Variants in MEIOC observed in about 807,000 individuals in gnomAD.
The protein encoded by MEIOC is meiosis-specific coiled-coil domain-containing protein MEIOC.
Under a neutral mutation model 85.3 loss-of-function variants are expected in MEIOC, and 9 were observed. The observed-to-expected ratio is 0.11, with a 90% CI of 0.06 to 0.18. MEIOC has a LOEUF of 0.18. Among genes scored for constraint, MEIOC ranks in the 10% least tolerant of loss-of-function variants. The pLI, the probability that MEIOC is intolerant of heterozygous loss-of-function variation, is 1.00. For synonymous variants in MEIOC, 365 were observed against 393.7 expected (o/e 0.93, Z 0.86); for missense variants, 898 against 1,129.4 (o/e 0.80, Z 2.94).
At position 44,668,056 on chromosome 17, in the gene MEIOC, A is replaced by T; in HGVS notation, c.2145A>T (p.Leu715Phe). The stretch of plus-strand genomic sequence containing the variant: ...ATGACTTACTTTCTTATGATGACTT[A>T]AGCCATTTGTACCCTTATTTTAATA... Reference protein sequence around the residue: ...DSYDLLSYDDLSHLYPYFNMM... With the variant: ...DSYDLLSYDDFSHLYPYFNMM... The change falls in exon 5 of 8, where the codon TTA (leucine) becomes TTT (phenylalanine). Residue 715 changes from leucine to phenylalanine, a missense_variant. By Grantham distance (22) the Leu-to-Phe change is conservative. Around this residue, in one of 2 missense-constraint regions of MEIOC, gnomAD observed 734 missense variants for 860.1 expected, o/e 0.85. Transcript: ENST00000409122. 2 of 1,613,336 alleles carry T rather than the reference A, an allele frequency of 1.2e-6. No homozygotes were observed. Among genetic ancestry groups the T allele is most frequent in the South Asian group, 1.1e-5 (1 of 90,988 alleles).
At position 44,674,333 on chromosome 17, in the gene MEIOC, A is replaced by C. The variant is rs2144679036; in HGVS notation, c.*137A>C. 2 of 1,415,450 alleles carry C rather than the reference A, an allele frequency of 1.4e-6. No individual in the cohort carries two copies. The highest frequency in any genetic ancestry group is 1.6e-5 in the South Asian group (1 of 61,960). 87.7% of individuals were successfully genotyped at this position (1,415,450 alleles called of 1,614,324 possible). On this transcript the variant is annotated 3_prime_UTR_variant, in exon 8 of 8. Transcript: ENST00000409122. ...TAATACCAGTACCTTAATGAAGTCT[A>C]ACTTCTATTTAAAAATCTTCTATTT...
chr17:44,658,944 A>T (rs1387186016), intron 2 of MEIOC, among the ~76,000 whole-genome samples: 1 of 152,038 alleles, frequency 6.6e-6, no homozygotes, highest in Non-Finnish European at 1.5e-5. Context: ...TCGTTCAGGC[A>T]TTTATTGCAA....
intron 2 of MEIOC, among the ~76,000 whole-genome samples, chr17:44,658,356 T>A (rs957778167): frequency 2.0e-5 from 3 of 150,704 alleles, no homozygotes; most frequent in African/African-American, 7.3e-5. Flanking sequence ...GGGGTTTCAC[T>A]GTGTTAGCCA....
Position 44,667,038 on chromosome 17 carries a change from C to T in MEIOC, c.1127C>T (p.Pro376Leu). 6.2e-7 allele frequency: 1 copy of T among 1,613,720 alleles called. No individual in the cohort carries two copies. Among genetic ancestry groups the T allele is most frequent in the Non-Finnish European group, 8.5e-7 (1 of 1,179,802 alleles). ...TACACAAAGTTATTTCAGGTTAAGC[C>T]AGCGAATCAGAAAAAAATGGAGGAG... ...DTYTKLFQVK[P>L]ANQKKMEETI... Residue 376 changes from proline to leucine, a missense_variant, in exon 5 of 8, where the codon CCA (proline) becomes CTA (leucine). Transcript: ENST00000409122.
At position 44,675,316 on chromosome 17, in the gene MEIOC, T is replaced by C. The variant is rs1972061222; in HGVS notation, c.*1120T>C. 1 of 973,118 alleles carries C rather than the reference T, an allele frequency of 1.0e-6. No homozygotes were observed. Among genetic ancestry groups the C allele is most frequent in the Admixed American group, 6.1e-5 (1 of 16,264 alleles). 60.3% of individuals were successfully genotyped at this position (973,118 alleles called of 1,614,324 possible). ...TTTTTCTGTTTCTCATCACTTAGTA[T>C]CTTTGTATAGAACTTGAGTAATTTA... On this transcript the variant is annotated 3_prime_UTR_variant, in exon 8 of 8. Coordinates refer to ENST00000409122, the MANE Select transcript of MEIOC (RefSeq NM_001145080.3).
intron 2 of MEIOC, among the ~76,000 whole-genome samples, chr17:44,660,015 C>G (rs983646134): frequency 2.0e-5 from 3 of 151,942 alleles, no homozygotes; most frequent in African/African-American, 7.3e-5. Flanking sequence ...AGAACTTAAA[C>G]AAATGGTTGT....
intron 2 of MEIOC, among the ~76,000 whole-genome samples, chr17:44,657,710 C>T (rs1971784445): frequency 6.6e-6 from 1 of 151,468 alleles, no homozygotes; most frequent in African/African-American, 2.4e-5. Flanking sequence ...TGCGCCACCA[C>T]GCCTGGCTAA....
chr17:44,669,624 C>A, intron 6 of MEIOC, 107 bp downstream of exon 6: 1 of 1,120,066 alleles, frequency 8.9e-7, no homozygotes. Context: ...CTTTGGGAGG[C>A]CGAGGCGGGC....
chr17:44,656,737 C>CGAGGAGGAGAGGCT, intron 1 of MEIOC, 55 bp downstream of exon 1: 2 of 1,309,394 alleles, frequency 1.5e-6, no homozygotes, highest in Non-Finnish European at 2.0e-6. Context: ...CAAGAGGCGA[C>CGAGGAGGAGAGGCT]GAGGAGGAGA....
At chr17:44,668,317 T>A in intron 5 of MEIOC, 84 bp downstream of exon 5, 1 of 1,210,328 alleles carries the variant, frequency 8.3e-7, no homozygotes. Flanking sequence ...AGTGTAAGAG[T>A]ACTTGCCTTA....
chr17:44,669,694 T>A, intron 6 of MEIOC, 177 bp downstream of exon 6: 1 of 557,740 alleles, frequency 1.8e-6, no homozygotes. Context: ...ACCCCGTCTC[T>A]ACTAAAAATA....
rs1971801422 is a variant in MEIOC at position 44,658,576 on chromosome 17, C to A, written c.204+1315C>A. On this transcript the variant is annotated intron_variant, in intron 2 of 7. Coordinates refer to ENST00000409122, the MANE Select transcript of MEIOC (RefSeq NM_001145080.3). ...CTGGGGGGCTGAGGCGGGTGGATCA[C>A]CTGAGTTCGGGAGTTCAAGACCAGC... Among the ~76,000 whole-genome samples the A allele has an allele frequency of 2.0e-5, 3 of 151,564 alleles. No homozygotes were observed. The South Asian group carries it at 6.3e-4, about 32-fold the overall frequency.
Position 44,656,630 on chromosome 17 carries a change from G to C in MEIOC, c.17G>C (p.Gly6Ala), listed in dbSNP as rs980694687. The C allele has an allele frequency of 1.3e-5, 20 of 1,486,776 alleles. No homozygotes were observed. The highest frequency in any genetic ancestry group is 1.6e-5 in the Non-Finnish European group (18 of 1,117,614). The allele number at this position is 1,486,776 out of a possible 1,614,324, so 92.1% of individuals were successfully genotyped here. The change falls in exon 1 of 8, where the codon GGA becomes GCA. Residue 6 changes from glycine to alanine, a missense_variant. This residue lies in a region of MEIOC where 734 missense variants were observed against 860.1 expected (regional missense o/e 0.85). Coordinates refer to ENST00000409122, the MANE Select transcript of MEIOC (RefSeq NM_001145080.3). ...GGGCGCCCCATGGAGGTGAGACGCG[G>C]AGACACCTGCCCGCGCCCTCACCCC... MEVRR[G>A]DTCPRPHPSG...
chr17:44,656,644 C>T lies in MEIOC; in HGVS notation c.31C>T (p.Arg11Cys), dbSNP rs1182632023. MEVRRGDTCPRPHPSGLREEG... is the reference protein window; with the variant it reads MEVRRGDTCPCPHPSGLREEG... ...GGTGAGACGCGGAGACACCTGCCCGCGCCCTCACCCCTCAGGCCTGAGGGA... is the reference window on the plus strand; with the variant it reads ...GGTGAGACGCGGAGACACCTGCCCGTGCCCTCACCCCTCAGGCCTGAGGGA... The change falls in exon 1 of 8, where the codon CGC becomes TGC. Residue 11 changes from arginine (R) to cysteine (C), a missense_variant. Physicochemically the swap from Arg to Cys is radical, Grantham distance 180. Coordinates refer to ENST00000409122, the MANE Select transcript of MEIOC (RefSeq NM_001145080.3). 2 of 1,488,726 alleles carry T rather than the reference C, an allele frequency of 1.3e-6. No individual in the cohort carries two copies. Among genetic ancestry groups the T allele is most frequent in the Admixed American group, 2.3e-5 (1 of 42,566 alleles). 92.2% of individuals were successfully genotyped at this position (1,488,726 alleles called of 1,614,324 possible).
rs866108269 is a variant in MEIOC at position 44,674,411 on chromosome 17, A to T, written c.*215A>T. 1 of 1,325,116 alleles carries T rather than the reference A, an allele frequency of 7.5e-7. No homozygotes were observed. The highest frequency in any genetic ancestry group is 9.7e-7 in the Non-Finnish European group (1 of 1,035,940). 82.1% of individuals were successfully genotyped at this position (1,325,116 alleles called of 1,614,324 possible). On this transcript the variant is annotated 3_prime_UTR_variant, in exon 8 of 8. Transcript: ENST00000409122. Reference sequence around the variant, plus strand: ...AACGCAAAGGTACAGTTGACTACTCAGAGTTCTGAGTAGTCAGATAACAAG... The same window carrying T: ...AACGCAAAGGTACAGTTGACTACTCTGAGTTCTGAGTAGTCAGATAACAAG...
At chr17:44,669,302 A>C (rs766245013) in intron 5 of MEIOC, 81 bp from the exon 6 acceptor site, 2 of 1,161,634 alleles carry the variant, frequency 1.7e-6, no homozygotes, top group Non-Finnish European at 2.4e-6. Flanking sequence ...TACTCTATTT[A>C]TTAGGCTTAC....
In MEIOC at chr17:44,656,557, C is replaced by G. The variant is rs1971757503; in HGVS notation, c.-57C>G. The G allele has an allele frequency of 1.5e-6, 2 of 1,304,588 alleles. No individual in the cohort carries two copies. The highest frequency in any genetic ancestry group is 2.0e-6 in the Non-Finnish European group (2 of 1,000,582). The allele number at this position is 1,304,588 out of a possible 1,614,324, so 80.8% of individuals were successfully genotyped here. Reference sequence around the variant, plus strand: ...GGGAGCCGGGCCTGGACGCCCCCCCCATCACCCCCGTACCCCAGGAGCTGT... The same window carrying G: ...GGGAGCCGGGCCTGGACGCCCCCCCGATCACCCCCGTACCCCAGGAGCTGT... On this transcript the variant is annotated 5_prime_UTR_variant, in exon 1 of 8. Transcript: ENST00000409122.
intron 2 of MEIOC, 59 bp downstream of exon 2, chr17:44,657,320 C>T (rs1277950535): frequency 2.7e-6 from 4 of 1,503,066 alleles, no homozygotes; most frequent in Non-Finnish European, 3.6e-6. Flanking sequence ...TTTACTCGAG[C>T]CACCGATTCA....
At chr17:44,656,949 G>A (rs1971766966) in intron 1 of MEIOC, among the ~76,000 whole-genome samples, 178 bp from the exon 2 acceptor site, 1 of 152,084 alleles carries the variant, frequency 6.6e-6, no homozygotes, top group African/African-American at 2.4e-5. Flanking sequence ...CAGCACTCAG[G>A]GGGCCCGAGG....
Sources: allele counts gnomAD v4.1 joint callset (sites outside exome capture counted in the v4.1 genomes callset), GRCh38; gene constraint gnomAD v4.1.1; regional missense constraint gnomAD v4.1.1; transcripts MANE v1.5; gene names NCBI Gene and HGNC (gene_info 2026-07-23, HGNC 2026-07-21).